The following FRMPD2 variants were observed in gnomAD, a reference collection of about 807,000 sequenced individuals.
The protein encoded by FRMPD2 is FERM and PDZ domain containing 2, also known as FERM and PDZ domain-containing protein 2.
Under a neutral mutation model 140.1 loss-of-function variants are expected in FRMPD2, and 96 were observed. That is an observed-to-expected ratio of 0.69 (90% confidence interval 0.58 to 0.81). FRMPD2 has a LOEUF of 0.81. Ranked by LOEUF, FRMPD2 falls within the 40% of genes least tolerant of loss-of-function variation. FRMPD2 has a pLI of 0.00. For missense variants in FRMPD2, 1,240 were observed against 1,447.4 expected (o/e 0.86, Z 2.32); for synonymous variants, 449 against 547.6 (o/e 0.82, Z 2.52).
rs555558152 is a variant in FRMPD2 at position 48,270,178 on chromosome 10, G to A, written c.25+4365C>T. 5.9e-5 allele frequency among the ~76,000 whole-genome samples: 9 copies of A among 152,278 alleles called. No individual in the cohort carries two copies. The East Asian group carries it at 1.7e-3, about 29-fold the overall frequency. Reference sequence around the variant, plus strand: ...CAATATGGAAAAACTGTCCACTCCTGCCTATAATCCAAGGAGCTGCTAGTG... The same window carrying A: ...CAATATGGAAAAACTGTCCACTCCTACCTATAATCCAAGGAGCTGCTAGTG... On this transcript the variant is annotated intron_variant, in intron 1 of 28. Coordinates refer to ENST00000374201, the MANE Select transcript of FRMPD2 (RefSeq NM_001018071.4).
intron 13 of FRMPD2, among the ~76,000 whole-genome samples, chr10:48,209,818 C>T (rs758763563): frequency 1.2e-4 from 18 of 152,296 alleles, no homozygotes; most frequent in Admixed American, 3.9e-4. Context: ...GGAAAAGATG[C>T]TAACCTCAGT....
In FRMPD2 at chr10:48,185,499, C is replaced by G. The variant is rs1373258782; in HGVS notation, c.2359+54G>C. The G allele has an allele frequency of 5.7e-6, 7 of 1,238,050 alleles. No homozygotes were observed. In the East Asian group the frequency reaches 1.4e-4, roughly 25 times the overall value. The allele number at this position is 1,238,050 out of a possible 1,614,324, so 76.7% of individuals were successfully genotyped here. A position where few individuals can be genotyped will look rare whatever the true frequency, so the allele number is the denominator to read the frequency against. On this transcript the variant is annotated intron_variant, in intron 18 of 28. Coordinates refer to ENST00000374201, the MANE Select transcript of FRMPD2 (RefSeq NM_001018071.4). ...TTGAAAGGGAAAACAGTACCCACCT[C>G]CCCACTTTGCCCAGCAGTAGAGACT...
chr10:48,214,925 G>T (rs906485482), intron 12 of FRMPD2, among the ~76,000 whole-genome samples: 1 of 152,248 alleles, frequency 6.6e-6, no homozygotes, highest in Non-Finnish European at 1.5e-5. Flanking sequence ...GAGTGAGAAA[G>T]AATGCAAATT....
intron 1 of FRMPD2, among the ~76,000 whole-genome samples, chr10:48,258,245 C>G (rs947839988): frequency 1.3e-5 from 2 of 152,244 alleles, no homozygotes; most frequent in Non-Finnish European, 2.9e-5. Flanking sequence ...AAAAGACTAT[C>G]CTGCCTCTGC....
Position 48,184,615 on chromosome 10 carries a change from C to T in FRMPD2, c.2535G>A (p.Met845Ile). The change falls in exon 20 of 29, where the codon ATG (methionine) becomes ATA (isoleucine). Residue 845 changes from methionine (M) to isoleucine (I), a missense_variant. Around this residue, in one of 6 missense-constraint regions of FRMPD2, gnomAD observed 1,161 missense variants for 1,055.9 expected, o/e 1.10. Transcript: ENST00000374201. ...EGFTFNMAVR[M>I]IQNSPDNIEL... is the part of the protein sequence containing the mutation. ...CTATGTTGTCAGGGGAATTCTGGAT[C>T]ATCCTAACAGCCATGTTGAATGTGA... The T allele has an allele frequency of 6.2e-7, 1 of 1,613,602 alleles. No individual in the cohort carries two copies.
At chr10:48,221,317 T>C (rs957433837) in intron 12 of FRMPD2, among the ~76,000 whole-genome samples, 1 of 152,222 alleles carries the variant, frequency 6.6e-6, no homozygotes, top group African/African-American at 2.4e-5. Context: ...ACCATTATTC[T>C]AAGTGAAGTA....
At chr10:48,185,746 A>G (rs1838669027) in intron 17 of FRMPD2, 101 bp from the exon 18 acceptor site, 2 of 823,998 alleles carry the variant, frequency 2.4e-6, no homozygotes, top group Non-Finnish European at 4.2e-6. Flanking sequence ...GCGCGCACAC[A>G]CATTCACACG....
intron 18 of FRMPD2, 29 bp downstream of exon 18, chr10:48,185,524 T>C (rs761945185): frequency 1.3e-6 from 2 of 1,527,552 alleles, no homozygotes; most frequent in Admixed American, 3.3e-5. Context: ...CAGTAGAGAC[T>C]GGGCCTCACC....
chr10:48,242,855 G>A lies in FRMPD2; in HGVS notation c.376-503C>T, dbSNP rs576361044. 4.7e-4 allele frequency among the ~76,000 whole-genome samples: 71 copies of A among 152,330 alleles called. 1 individual carries two copies. The South Asian group carries it at 0.014, about 29-fold the overall frequency. The stretch of plus-strand genomic sequence containing the variant: ...CAGCAGTCAGCACAAATGCTCAATC[G>A]TTGTTGGTTGAACTTTATGTCACGT... On this transcript the variant is annotated intron_variant, in intron 4 of 28. Coordinates refer to ENST00000374201, the MANE Select transcript of FRMPD2 (RefSeq NM_001018071.4).
intron 21 of FRMPD2, among the ~76,000 whole-genome samples, chr10:48,178,536 T>C (rs1195449357): frequency 6.6e-6 from 1 of 152,182 alleles, no homozygotes; most frequent in Non-Finnish European, 1.5e-5. Flanking sequence ...TGGAGGAAGC[T>C]GAACAACGAA....
At chr10:48,242,453 TC>T in intron 4 of FRMPD2, 101 bp from the exon 5 acceptor site, 1 of 1,022,726 alleles carries the variant, frequency 9.8e-7, no homozygotes, top group Non-Finnish European at 1.4e-6. Flanking sequence ...AAACGGGTGT[TC>T]CCACAAGCAC....
intron 9 of FRMPD2, among the ~76,000 whole-genome samples, chr10:48,232,724 T>A (rs1043579283): frequency 1.3e-5 from 2 of 152,226 alleles, no homozygotes; most frequent in African/African-American, 4.8e-5. Flanking sequence ...CACAGGTTAA[T>A]TAATTCTAAA....
At chr10:48,269,740 G>C (rs1435463958) in intron 1 of FRMPD2, among the ~76,000 whole-genome samples, 1 of 152,162 alleles carries the variant, frequency 6.6e-6, no homozygotes, top group Non-Finnish European at 1.5e-5. Context: ...ATCCAGAGCA[G>C]ACCATTAAAA....
intron 3 of FRMPD2, among the ~76,000 whole-genome samples, chr10:48,247,000 T>C (rs1840265740): frequency 6.6e-6 from 1 of 152,138 alleles, no homozygotes; most frequent in Admixed American, 6.5e-5. Flanking sequence ...GCTAAACCAA[T>C]GTTTGGTTAG....
In FRMPD2 at chr10:48,239,701, G is replaced by A; in HGVS notation, c.701-9C>T. 1 of 1,610,442 alleles carries A rather than the reference G, an allele frequency of 6.2e-7. No individual in the cohort carries two copies. Among genetic ancestry groups the A allele is most frequent in the Non-Finnish European group, 8.5e-7 (1 of 1,176,998 alleles). ...CGTGCTTCTTTCTGAAACTAATCAAGCAGCATGGTAGAGGGTATGGGCAGA... is the reference window on the plus strand; with the variant it reads ...CGTGCTTCTTTCTGAAACTAATCAAACAGCATGGTAGAGGGTATGGGCAGA... On this transcript the variant is annotated splice_polypyrimidine_tract_variant and intron_variant, in intron 6 of 28. Coordinates refer to ENST00000374201, the MANE Select transcript of FRMPD2 (RefSeq NM_001018071.4).
chr10:48,181,911 C>CAG (rs1026294216), intron 20 of FRMPD2, among the ~76,000 whole-genome samples: 5 of 139,078 alleles, frequency 3.6e-5, no homozygotes, highest in African/African-American at 1.3e-4. Context: ...CACACACACA[C>CAG]AGACACGCAC....
intron 14 of FRMPD2, among the ~76,000 whole-genome samples, chr10:48,203,376 A>AG (rs1318212860): frequency 6.6e-6 from 1 of 152,172 alleles, no homozygotes; most frequent in Non-Finnish European, 1.5e-5. Flanking sequence ...CTTTCGCATA[A>AG]GCAAGCTGCT....
At chr10:48,235,816 C>T (rs1256367632) in intron 9 of FRMPD2, among the ~76,000 whole-genome samples, 3 of 152,058 alleles carry the variant, frequency 2.0e-5, no homozygotes, top group Non-Finnish European at 4.4e-5. Flanking sequence ...CTGGGGAGCT[C>T]AGGGTGAGAC....
intron 28 of FRMPD2, among the ~76,000 whole-genome samples, chr10:48,161,837 C>A (rs1384903763): frequency 6.6e-6 from 1 of 151,418 alleles, no homozygotes; most frequent in Non-Finnish European, 1.5e-5. Flanking sequence ...GAAACAGTGA[C>A]TGCCTATACT....
Sources: allele counts gnomAD v4.1 joint callset (sites outside exome capture counted in the v4.1 genomes callset), GRCh38; gene constraint gnomAD v4.1.1; regional missense constraint gnomAD v4.1.1; transcripts MANE v1.5; gene names NCBI Gene and HGNC (gene_info 2026-07-23, HGNC 2026-07-21).